Variants in STARD3 observed in about 807,000 individuals in gnomAD.
STARD3 encodes StAR related lipid transfer domain containing 3.
STARD3 carries 39 observed loss-of-function variants against 62.0 expected under a neutral mutation model. The ratio of observed to expected loss-of-function variants is 0.63; its 90% confidence interval spans 0.49 to 0.82. STARD3 has a LOEUF of 0.82. Among genes scored for constraint, STARD3 ranks in the 40% least tolerant of loss-of-function variants. The probability of loss-of-function intolerance (pLI) is 0.00; values close to 1 mark genes in which losing one functional copy is unlikely to be tolerated. For missense variants in STARD3, 543 were observed against 584.5 expected (o/e 0.93, Z 0.73); for synonymous variants, 229 against 242.4 (o/e 0.94, Z 0.51).
At chr17:39,661,209 C>G (rs2057194254) in intron 13 of STARD3, 124 bp downstream of exon 13, 1 of 803,828 alleles carries the variant, frequency 1.2e-6, no homozygotes, top group African/African-American at 1.7e-5. Flanking sequence ...GTTCCCTGTC[C>G]CGCTGGGCTC....
chr17:39,647,494 T>C (rs1406279080), intron 1 of STARD3, among the ~76,000 whole-genome samples: 1 of 151,772 alleles, frequency 6.6e-6, no homozygotes, highest in African/African-American at 2.4e-5. Flanking sequence ...GTGGGTGTGG[T>C]GGGTGGAGGC....
Position 39,660,774 on chromosome 17 carries a change from C to T in STARD3, c.955-36C>T, listed in dbSNP as rs749400711. Reference sequence around the variant, plus strand: ...TCCCATCCCTGGGGTTTTCCTGGGGCGACCTGTTCCAAAAGTCTCCGTTGA... The same window carrying T: ...TCCCATCCCTGGGGTTTTCCTGGGGTGACCTGTTCCAAAAGTCTCCGTTGA... On this transcript the variant is annotated intron_variant, in intron 11 of 14. Coordinates refer to ENST00000336308, the MANE Select transcript of STARD3 (RefSeq NM_006804.4). This position sits in a 1 kb window ranked among gnomAD's most constrained non-coding sequence, Gnocchi z 4.8. 18 of 1,545,658 alleles carry T rather than the reference C, an allele frequency of 1.2e-5. No homozygotes were observed. The highest frequency in any genetic ancestry group is 6.9e-5 in the African/African-American group (5 of 72,790).
At chr17:39,659,296 G>A (rs1049092364) in intron 8 of STARD3, among the ~76,000 whole-genome samples, 165 bp from the exon 9 acceptor site, 1 of 152,228 alleles carries the variant, frequency 6.6e-6, no homozygotes, top group African/African-American at 2.4e-5. Context: ...CACAGGTGGA[G>A]CAGCCACAAG....
At chr17:39,640,485 T>C (rs978823584) in intron 1 of STARD3, among the ~76,000 whole-genome samples, 3 of 152,172 alleles carry the variant, frequency 2.0e-5, no homozygotes, top group Non-Finnish European at 2.9e-5. Flanking sequence ...GATCCTGTGC[T>C]GAAACCGGCT....
At chr17:39,639,439 C>T (rs894447043) in intron 1 of STARD3, among the ~76,000 whole-genome samples, 3 of 152,130 alleles carry the variant, frequency 2.0e-5, no homozygotes, top group African/African-American at 7.2e-5. Context: ...AGACCAGGGG[C>T]GGCTTCTGAG....
chr17:39,640,482 T>A (rs2056973181), intron 1 of STARD3, among the ~76,000 whole-genome samples: 1 of 152,112 alleles, frequency 6.6e-6, no homozygotes, highest in South Asian at 2.1e-4. Flanking sequence ...GAGGATCCTG[T>A]GCTGAAACCG....
intron 14 of STARD3, 54 bp downstream of exon 14, chr17:39,662,398 T>C (rs745396104): frequency 1.3e-6 from 2 of 1,541,240 alleles, no homozygotes; most frequent in African/African-American, 2.7e-5. Flanking sequence ...GGGACCCTGC[T>C]GCTGACTTGG....
intron 9 of STARD3, chr17:39,659,886 G>C (rs2057176100): frequency 5.8e-6 from 3 of 518,634 alleles, no homozygotes; most frequent in Non-Finnish European, 1.0e-5. Flanking sequence ...ATCGTAGAGA[G>C]CTTGGAAAAC....
intron 1 of STARD3, chr17:39,652,768 G>A (rs75314826): frequency 0.012 from 1,846 of 152,790 alleles, 19 homozygotes; most frequent in Non-Finnish European, 0.019. Flanking sequence ...GTGGGAAACC[G>A]TGGGAGGGCA....
At chr17:39,649,024 G>C (rs1308783019) in intron 1 of STARD3, among the ~76,000 whole-genome samples, 1 of 152,182 alleles carries the variant, frequency 6.6e-6, no homozygotes, top group Non-Finnish European at 1.5e-5. Context: ...AGGGAGGAGA[G>C]AGGCAGATAG....
chr17:39,663,158 A>G lies in STARD3; in HGVS notation c.*250A>G. 1 of 459,744 alleles carries G rather than the reference A, an allele frequency of 2.2e-6. No homozygotes were observed. The highest frequency in any genetic ancestry group is 3.8e-6 in the Non-Finnish European group (1 of 261,860). 28.5% of individuals were successfully genotyped at this position (459,744 alleles called of 1,614,324 possible). On this transcript the variant is annotated 3_prime_UTR_variant, in exon 15 of 15. Coordinates refer to ENST00000336308, the MANE Select transcript of STARD3 (RefSeq NM_006804.4). ...GTTTACATGGCGCCCTGCCTCCTGG[A>G]GGACCAGATTGCTCTGCCCCACCTT...
At position 39,645,737 on chromosome 17, in the gene STARD3, G is replaced by C. The variant is rs150038279; in HGVS notation, c.-51-7744G>C. On this transcript the variant is annotated intron_variant, in intron 1 of 14. Coordinates refer to ENST00000336308, the MANE Select transcript of STARD3 (RefSeq NM_006804.4). The stretch of plus-strand genomic sequence containing the variant: ...TCCTCCCACCTCAGCCTCCCAAAGG[G>C]CTGAGCCACTGCTCCTAGCCCCATC... Among the ~76,000 whole-genome samples the C allele has an allele frequency of 6.9e-3, 1,045 of 151,464 alleles. 10 individuals are homozygous for C. Among genetic ancestry groups the C allele is most frequent in the African/African-American group, 0.024 (988 of 41,298 alleles).
At chr17:39,653,427 G>A in intron 1 of STARD3, 54 bp from the exon 2 acceptor site, 4 of 1,230,154 alleles carry the variant, frequency 3.3e-6, no homozygotes, top group East Asian at 5.0e-5. Flanking sequence ...CCTGGTGGCT[G>A]TGTGGGAGGG....
rs2057229557 is a variant in STARD3 at position 39,663,820 on chromosome 17, G to T, written c.*912G>T. On this transcript the variant is annotated 3_prime_UTR_variant, in exon 15 of 15. Transcript: ENST00000336308. ...CAGCAAGCCTTGACTGTGTGGCCTG[G>T]AGATGGGGCCTGAGCTTCAGGGTCA... Among the ~76,000 whole-genome samples the T allele has an allele frequency of 6.6e-6, 1 of 152,192 alleles. No individual in the cohort carries two copies. The highest frequency in any genetic ancestry group is 2.1e-4 in the South Asian group (1 of 4,834).
At chr17:39,648,274 G>A (rs926194704) in intron 1 of STARD3, among the ~76,000 whole-genome samples, 8 of 152,152 alleles carry the variant, frequency 5.3e-5, no homozygotes, top group African/African-American at 1.7e-4. Context: ...GCGACAGAGT[G>A]AGACTCCGTC....
At chr17:39,647,620 G>T (rs1219684636) in intron 1 of STARD3, among the ~76,000 whole-genome samples, 1 of 152,184 alleles carries the variant, frequency 6.6e-6, no homozygotes, top group African/African-American at 2.4e-5. Flanking sequence ...CACTTAGACT[G>T]GCAGGTGGTC....
chr17:39,660,795 G>T lies in STARD3; in HGVS notation c.955-15G>T, dbSNP rs920353938. On this transcript the variant is annotated splice_polypyrimidine_tract_variant and intron_variant, in intron 11 of 14. Coordinates refer to ENST00000336308, the MANE Select transcript of STARD3 (RefSeq NM_006804.4). The surrounding 1 kb of genome is among the most constrained non-coding windows in gnomAD (Gnocchi z 4.8). ...GGGGCGACCTGTTCCAAAAGTCTCCGTTGACGGCCCTCAGATCCTGCAGCG... is the reference window on the plus strand; with the variant it reads ...GGGGCGACCTGTTCCAAAAGTCTCCTTTGACGGCCCTCAGATCCTGCAGCG... 1 of 1,566,508 alleles carries T rather than the reference G, an allele frequency of 6.4e-7. No homozygotes were observed. Among genetic ancestry groups the T allele is most frequent in the Non-Finnish European group, 8.6e-7 (1 of 1,156,508 alleles).
At chr17:39,648,057 G>A (rs549819460) in intron 1 of STARD3, among the ~76,000 whole-genome samples, 166 of 151,936 alleles carry the variant, frequency 1.1e-3, no homozygotes, top group African/African-American at 3.9e-3. Context: ...AGGCTGAGGC[G>A]GGCGGATCAC....
rs929427176 is a variant in STARD3 at position 39,653,559 on chromosome 17, C to A, written c.28C>A (p.Arg10=). 2 of 1,606,416 alleles carry A rather than the reference C, an allele frequency of 1.2e-6. No homozygotes were observed. The highest frequency in any genetic ancestry group is 8.5e-7 in the Non-Finnish European group (1 of 1,179,954). The change falls in exon 2 of 15, where the codon CGA becomes AGA. Residue 10 remains arginine, a synonymous_variant. Coordinates refer to ENST00000336308, the MANE Select transcript of STARD3 (RefSeq NM_006804.4). MSKLPRELT[R]DLERSLPAVA... ...GAGCAAGCTGCCCAGGGAGCTGACC[C>A]GAGACTTGGAGCGCAGCCTGCCTGC...
Sources: allele counts gnomAD v4.1 joint callset (sites outside exome capture counted in the v4.1 genomes callset), GRCh38; gene constraint gnomAD v4.1.1; non-coding constraint Gnocchi (gnomAD v3.1); transcripts MANE v1.5; gene names NCBI Gene and HGNC (gene_info 2026-07-23, HGNC 2026-07-21).